The following CTNNA3 variants were observed in gnomAD, a reference collection of about 807,000 sequenced individuals.
The protein encoded by CTNNA3 is catenin alpha 3, also known as catenin alpha-3.
In CTNNA3, 76 loss-of-function variants were observed where a neutral mutation model predicts 95.7. The ratio of observed to expected loss-of-function variants is 0.79; its 90% confidence interval spans 0.66 to 0.96. The LOEUF is 0.96. CTNNA3 is among the 40% of genes least tolerant of loss of function. The pLI, the probability that CTNNA3 is intolerant of heterozygous loss-of-function variation, is 0.00. For missense variants in CTNNA3, 1,191 were observed against 1,089.8 expected (o/e 1.09, Z -1.31); for synonymous variants, 431 against 374.4 (o/e 1.15, Z -1.74).
chr10:66,917,368 G>C (rs1466709221), intron 7 of CTNNA3, among the ~76,000 whole-genome samples: 3 of 152,116 alleles, frequency 2.0e-5, no homozygotes, highest in Non-Finnish European at 4.4e-5. Context: ...AATGGCCACA[G>C]CTACAGCTAC....
intron 7 of CTNNA3, among the ~76,000 whole-genome samples, chr10:66,872,925 T>C (rs1037964536): frequency 6.6e-5 from 10 of 152,166 alleles, no homozygotes; most frequent in Non-Finnish European, 1.5e-4. Context: ...TAGCTCCCAC[T>C]TGTAAGTGAG....
At chr10:66,046,579 A>G (rs1232531411) in intron 15 of CTNNA3, among the ~76,000 whole-genome samples, 1 of 152,174 alleles carries the variant, frequency 6.6e-6, no homozygotes, top group Admixed American at 6.5e-5. Context: ...AAAAACAGAT[A>G]AACCCCAAAG....
chr10:66,001,135 A>G (rs1404393144), intron 15 of CTNNA3, among the ~76,000 whole-genome samples: 1 of 152,042 alleles, frequency 6.6e-6, no homozygotes, highest in Non-Finnish European at 1.5e-5. Context: ...TAAAAAATAT[A>G]TATATATACT....
chr10:67,270,359 G>A (rs1218361493), intron 5 of CTNNA3, among the ~76,000 whole-genome samples: 3 of 151,976 alleles, frequency 2.0e-5, no homozygotes, highest in African/African-American at 7.2e-5. Context: ...ATAACCAAAC[G>A]CAAGCACAAA....
chr10:67,302,548 T>G (rs1840371471), intron 5 of CTNNA3, among the ~76,000 whole-genome samples: 1 of 152,238 alleles, frequency 6.6e-6, no homozygotes, highest in African/African-American at 2.4e-5. Flanking sequence ...AAACAATTGT[T>G]GTCAATTAAA....
intron 4 of CTNNA3, among the ~76,000 whole-genome samples, chr10:67,527,022 C>G (rs899281130): frequency 6.6e-6 from 1 of 152,014 alleles, no homozygotes; most frequent in East Asian, 1.9e-4. Context: ...TTTGGGAGGC[C>G]GAGGCTGGCA....
At chr10:66,342,298 TG>T (rs1180106773) in intron 12 of CTNNA3, among the ~76,000 whole-genome samples, 4 of 151,984 alleles carry the variant, frequency 2.6e-5, no homozygotes, top group Non-Finnish European at 4.4e-5. Flanking sequence ...ACAAAATGCC[TG>T]GCACATATCA....
At chr10:66,374,605 C>CTT (rs2092779946) in intron 12 of CTNNA3, among the ~76,000 whole-genome samples, 3 of 113,474 alleles carry the variant, frequency 2.6e-5, no homozygotes, top group African/African-American at 3.9e-5. Flanking sequence ...GAAAGAAAAG[C>CTT]CTTTTTTTTT....
chr10:66,301,696 G>A (rs1261791042), intron 12 of CTNNA3, among the ~76,000 whole-genome samples: 1 of 151,860 alleles, frequency 6.6e-6, no homozygotes, highest in Non-Finnish European at 1.5e-5. Context: ...TCTCAGCAAA[G>A]TAGGAATAGA....
intron 7 of CTNNA3, among the ~76,000 whole-genome samples, chr10:67,058,539 T>C (rs1449658953): frequency 1.3e-5 from 2 of 152,142 alleles, no homozygotes; most frequent in Non-Finnish European, 2.9e-5. Flanking sequence ...CAGAACTGAG[T>C]GACTGGCCCA....
At chr10:67,080,055 A>G (rs1471341043) in intron 7 of CTNNA3, among the ~76,000 whole-genome samples, 1 of 152,170 alleles carries the variant, frequency 6.6e-6, no homozygotes, top group Non-Finnish European at 1.5e-5. Flanking sequence ...TGCAGAATTT[A>G]ACCTGCCTCT....
chr10:67,149,841 A>C (rs1401927686), intron 7 of CTNNA3, among the ~76,000 whole-genome samples: 2 of 152,226 alleles, frequency 1.3e-5, no homozygotes, highest in Non-Finnish European at 2.9e-5. Context: ...TTTGAGTGTA[A>C]TACACTATCA....
intron 5 of CTNNA3, among the ~76,000 whole-genome samples, chr10:67,257,605 T>C (rs1866412393): frequency 6.6e-6 from 1 of 152,220 alleles, no homozygotes; most frequent in South Asian, 2.1e-4. Context: ...ACACTGACTC[T>C]GCTCCACAAA....
chr10:66,212,208 T>C (rs547547844), intron 13 of CTNNA3, among the ~76,000 whole-genome samples: 161 of 152,192 alleles, frequency 1.1e-3, no homozygotes, highest in African/African-American at 3.8e-3. Flanking sequence ...CAGGCTGATC[T>C]CAAACTCCTG....
intron 7 of CTNNA3, among the ~76,000 whole-genome samples, chr10:66,867,306 T>C (rs1167876265): frequency 1.3e-5 from 2 of 152,202 alleles, no homozygotes; most frequent in East Asian, 3.8e-4. Flanking sequence ...GTTTCTGTCC[T>C]GAGGTTCCAC....
intron 11 of CTNNA3, among the ~76,000 whole-genome samples, chr10:66,471,202 C>T (rs1259062222): frequency 2.0e-5 from 3 of 151,632 alleles, no homozygotes; most frequent in South Asian, 4.1e-4. Context: ...TTCTAGAATG[C>T]TTCTAATAAT....
chr10:66,528,141 T>G (rs1320538331), intron 10 of CTNNA3, among the ~76,000 whole-genome samples: 1 of 152,130 alleles, frequency 6.6e-6, no homozygotes, highest in Admixed American at 6.5e-5. Flanking sequence ...CTCATTTCTC[T>G]TTCCTCATAG....
chr10:66,540,560 G>A lies in CTNNA3; in HGVS notation c.1375-19787C>T, dbSNP rs558764340. ...TGAAGTGCAGAAATAAAGTTGAGCCGTTTTTTCATGTAAACTGCCATAAAC... is the reference window on the plus strand; with the variant it reads ...TGAAGTGCAGAAATAAAGTTGAGCCATTTTTTCATGTAAACTGCCATAAAC... On this transcript the variant is annotated intron_variant, in intron 10 of 17. Transcript: ENST00000433211. Among the ~76,000 whole-genome samples, 30 of 152,118 alleles carry A rather than the reference G, an allele frequency of 2.0e-4. No individual in the cohort carries two copies. The South Asian group carries it at 3.1e-3, about 16-fold the overall frequency.
intron 7 of CTNNA3, among the ~76,000 whole-genome samples, chr10:66,978,552 A>AAATAAAAAAAAAATATATAT: frequency 7.9e-5 from 3 of 37,866 alleles, no homozygotes; most frequent in African/African-American, 1.7e-4. Flanking sequence ...AAAAAAAAAA[A>AAATAAAAAAAAAATATATAT]ATATATATAT....
Sources: allele counts gnomAD v4.1 joint callset (sites outside exome capture counted in the v4.1 genomes callset), GRCh38; gene constraint gnomAD v4.1.1; transcripts MANE v1.5; gene names NCBI Gene and HGNC (gene_info 2026-07-23, HGNC 2026-07-21).